The following TNFRSF19 variants were observed in gnomAD, a reference collection of about 807,000 sequenced individuals.
TNFRSF19 encodes the protein TNF receptor superfamily member 19, also known as tumor necrosis factor receptor superfamily member 19.
TNFRSF19 carries 27 observed loss-of-function variants against 46.4 expected under a neutral mutation model. The ratio of observed to expected loss-of-function variants is 0.58; its 90% CI spans 0.43 to 0.80. The LOEUF (loss-of-function observed/expected upper bound fraction) is 0.80, where lower values mean the gene tolerates loss of function less well. Among genes scored for constraint, TNFRSF19 ranks in the 30% least tolerant of loss-of-function variants. TNFRSF19 has a pLI of 0.00. For synonymous variants in TNFRSF19, 204 were observed against 205.0 expected (o/e 1.00, Z 0.04); for missense variants, 511 against 530.8 (o/e 0.96, Z 0.37).
rs753349990 is a variant in TNFRSF19 at position 23,668,036 on chromosome 13, G to A, written c.793G>A (p.Ala265Thr). The change falls in exon 8 of 10, where the codon GCG becomes ACG. Residue 265 changes from alanine to threonine, a missense_variant. Ala to Thr is a moderately conservative substitution (Grantham distance 58). This residue lies in a region of TNFRSF19 where 376 missense variants were observed against 372.7 expected (regional missense o/e 1.01). Transcript: ENST00000248484. The part of the protein sequence containing the change: ...CCEEACSPNP[A>T]TLGCGVHSAA... ...TGAGGAGGCCTGCAGCCCCAACCCG[G>A]CGACTCTTGGTTGTGGGGTGCATTC... 11 of 1,610,222 alleles carry A rather than the reference G, an allele frequency of 6.8e-6. No homozygotes were observed. The African/African-American group carries it at 1.3e-4, about 20-fold the overall frequency.
chr13:23,663,916 G>A (rs894705954), intron 7 of TNFRSF19, among the ~76,000 whole-genome samples: 1 of 151,384 alleles, frequency 6.6e-6, no homozygotes, highest in Non-Finnish European at 1.5e-5. Context: ...TCCAGTTAGC[G>A]GCCTATATTA....
chr13:23,616,740 G>C (rs1437378107), intron 4 of TNFRSF19, among the ~76,000 whole-genome samples: 2 of 151,966 alleles, frequency 1.3e-5, no homozygotes, highest in Admixed American at 1.3e-4. Flanking sequence ...GCGCCACCAC[G>C]CCCGGCTAAT....
chr13:23,669,292 G>A (rs941652690), intron 9 of TNFRSF19, 195 bp downstream of exon 9: 2 of 1,393,640 alleles, frequency 1.4e-6, no homozygotes, highest in Admixed American at 3.3e-5. Flanking sequence ...TAATATATAA[G>A]AGCAAAGTGG....
chr13:23,621,659 C>G (rs886405127), intron 4 of TNFRSF19, among the ~76,000 whole-genome samples: 1 of 152,076 alleles, frequency 6.6e-6, no homozygotes, highest in African/African-American at 2.4e-5. Context: ...TTAGGCTAAC[C>G]AGTGCTATTT....
chr13:23,581,448 C>T (rs1171475104), intron 1 of TNFRSF19, among the ~76,000 whole-genome samples: 1 of 152,102 alleles, frequency 6.6e-6, no homozygotes, highest in Admixed American at 6.6e-5. Flanking sequence ...GCCCGGCCGT[C>T]GATGTGCCTT....
intron 4 of TNFRSF19, among the ~76,000 whole-genome samples, chr13:23,623,534 C>T (rs1021491232): frequency 3.9e-5 from 6 of 152,290 alleles, no homozygotes; most frequent in Middle Eastern, 3.4e-3. Flanking sequence ...TGCTGTTTTC[C>T]ATAGCGGCTG....
rs1951703506 is a variant in TNFRSF19, at chr13:23,668,937, T to C, written c.1085T>C (p.Val362Ala). ...SQDLVGGAVP[V>A]QSHSENFTAA... is the part of the protein sequence containing the mutation. ...GATTTGGTTGGTGGGGCTGTTCCAG[T>C]CCAGTCTCATTCTGAAAACTTTACA... Residue 362 changes from valine (V) to alanine (A), a missense_variant, in exon 9 of 10, where the codon GTC becomes GCC. Transcript: ENST00000248484. 1 of 1,614,158 alleles carries C rather than the reference T, an allele frequency of 6.2e-7. No individual in the cohort carries two copies. The highest frequency in any genetic ancestry group is 1.3e-5 in the African/African-American group (1 of 74,950).
intron 4 of TNFRSF19, among the ~76,000 whole-genome samples, chr13:23,625,091 G>A (rs1239105135): frequency 6.6e-6 from 1 of 152,010 alleles, no homozygotes; most frequent in East Asian, 1.9e-4. Context: ...AAGAATCTGA[G>A]AAAATTGATA....
chr13:23,601,921 A>G (rs1039587117), intron 3 of TNFRSF19, among the ~76,000 whole-genome samples: 1 of 152,210 alleles, frequency 6.6e-6, no homozygotes, highest in African/African-American at 2.4e-5. Flanking sequence ...TAAAATGCTC[A>G]ATTAAAACTA....
intron 7 of TNFRSF19, among the ~76,000 whole-genome samples, chr13:23,667,068 T>TG (rs1555225542): frequency 5.0e-4 from 75 of 149,802 alleles, no homozygotes; most frequent in South Asian, 2.3e-3. Context: ...GTGTGTGTCT[T>TG]TGTGTGTGTG....
At chr13:23,673,190 T>A (rs190074655) in intron 9 of TNFRSF19, among the ~76,000 whole-genome samples, 182 bp from the exon 10 acceptor site, 64 of 152,346 alleles carry the variant, frequency 4.2e-4, no homozygotes, top group Non-Finnish European at 8.1e-4. Context: ...TATTTTATCC[T>A]GAGATTACAT....
intron 5 of TNFRSF19, among the ~76,000 whole-genome samples, chr13:23,642,410 C>T (rs766325008): frequency 1.7e-4 from 26 of 152,194 alleles, no homozygotes; most frequent in Non-Finnish European, 2.9e-4. Context: ...TCCACGCTAA[C>T]CCTTTATGTG....
chr13:23,660,374 G>A lies in TNFRSF19; in HGVS notation c.620G>A (p.Arg207Gln), dbSNP rs372905269. 9 of 1,613,384 alleles carry A rather than the reference G, an allele frequency of 5.6e-6. No homozygotes were observed. The highest frequency in any genetic ancestry group is 1.3e-5 in the African/African-American group (1 of 74,886). ...CTCACCCCTCATTTAGGGTCTCTGC[G>A]GTCACAGGACATTCAGTACAACGGC... ...FMEKKPSWSL[R>Q]SQDIQYNGSE... Residue 207 changes from arginine to glutamine, a missense_variant, in exon 7 of 10, where the codon CGG becomes CAG. Transcript: ENST00000248484.
At chr13:23,669,367 T>C in intron 9 of TNFRSF19, 1 of 1,214,924 alleles carries the variant, frequency 8.2e-7, no homozygotes, top group Non-Finnish European at 1.0e-6. Context: ...GCTGCCTCCT[T>C]CCCTGGTTGA....
intron 1 of TNFRSF19, among the ~76,000 whole-genome samples, chr13:23,580,131 C>G (rs1878304208): frequency 6.6e-6 from 1 of 152,206 alleles, no homozygotes; most frequent in South Asian, 2.1e-4. Context: ...CGTGTAATGC[C>G]ATCTCATGGG....
At chr13:23,631,939 C>G (rs1025678589) in intron 5 of TNFRSF19, among the ~76,000 whole-genome samples, 6 of 152,166 alleles carry the variant, frequency 3.9e-5, no homozygotes, top group Admixed American at 3.9e-4. Flanking sequence ...CATAATGAGA[C>G]GCAGATGAGA....
intron 5 of TNFRSF19, among the ~76,000 whole-genome samples, chr13:23,633,835 G>A (rs188528875): frequency 4.9e-4 from 74 of 152,238 alleles, no homozygotes; most frequent in Non-Finnish European, 8.5e-4. Flanking sequence ...GGTGACAAGA[G>A]CGAAACTCCA....
At chr13:23,661,507 G>A (rs1884365557) in intron 7 of TNFRSF19, among the ~76,000 whole-genome samples, 1 of 152,202 alleles carries the variant, frequency 6.6e-6, no homozygotes, top group Non-Finnish European at 1.5e-5. Flanking sequence ...GAACATTCAT[G>A]TGCATGTGTC....
intron 5 of TNFRSF19, among the ~76,000 whole-genome samples, chr13:23,634,408 G>A (rs987388754): frequency 6.6e-6 from 1 of 152,156 alleles, no homozygotes; most frequent in African/African-American, 2.4e-5. Flanking sequence ...CATTGAGCTG[G>A]TTTAAATATT....
Sources: allele counts gnomAD v4.1 joint callset (sites outside exome capture counted in the v4.1 genomes callset), GRCh38; gene constraint gnomAD v4.1.1; regional missense constraint gnomAD v4.1.1; transcripts MANE v1.5; gene names NCBI Gene and HGNC (gene_info 2026-07-23, HGNC 2026-07-21).